Variants in CD47 observed in about 807,000 individuals in gnomAD.
CD47 encodes the protein CD47 molecule.
A neutral mutation model predicts 44.6 loss-of-function variants in CD47; 11 were observed. That is an observed-to-expected ratio of 0.25 (90% CI 0.16 to 0.41). The LOEUF (loss-of-function observed/expected upper bound fraction) is 0.41, where lower values mean the gene tolerates loss of function less well. Ranked by LOEUF, CD47 falls within the 10% of genes least tolerant of loss-of-function variation. The pLI is 1.00. For missense variants in CD47, 306 were observed against 386.7 expected (o/e 0.79, Z 1.75); for synonymous variants, 140 against 136.3 (o/e 1.03, Z -0.19).
At chr3:108,085,111 C>T (rs1560039169) in intron 1 of CD47, among the ~76,000 whole-genome samples, 1 of 152,106 alleles carries the variant, frequency 6.6e-6, no homozygotes, top group African/African-American at 2.4e-5. Context: ...TGTACTCCCT[C>T]ATTTCCACAC....
chr3:108,049,398 T>C (rs1038916494), intron 10 of CD47, among the ~76,000 whole-genome samples: 6 of 152,228 alleles, frequency 3.9e-5, no homozygotes, highest in African/African-American at 1.2e-4. Flanking sequence ...CTGGGAGCCA[T>C]ATGACTGGAG....
intron 1 of CD47, among the ~76,000 whole-genome samples, chr3:108,084,656 A>C (rs35397021): frequency 0.12 from 18,574 of 152,120 alleles, 1,522 homozygotes; most frequent in Middle Eastern, 0.21. Context: ...GTATGTCCAA[A>C]AACTTACGTA....
chr3:108,086,145 T>C (rs2079516938), intron 1 of CD47, among the ~76,000 whole-genome samples: 1 of 151,654 alleles, frequency 6.6e-6, no homozygotes. Context: ...CTCTAGGAAA[T>C]GAGGTTGGAA....
rs899082745 is a variant in CD47, at chr3:108,085,102, G to A, written c.47-4758C>T. ...AAGATCCTTTCCAGCCCCACCTCCTGTACTCCCTCATTTCCACACTAAGCT... is the reference window on the plus strand; with the variant it reads ...AAGATCCTTTCCAGCCCCACCTCCTATACTCCCTCATTTCCACACTAAGCT... On this transcript the variant is annotated intron_variant, in intron 1 of 10. Coordinates refer to ENST00000361309, the MANE Select transcript of CD47 (RefSeq NM_001777.4). Among the ~76,000 whole-genome samples the A allele has an allele frequency of 2.6e-5, 4 of 152,068 alleles. No individual in the cohort carries two copies. The East Asian group carries it at 5.8e-4, about 22-fold the overall frequency.
intron 1 of CD47, among the ~76,000 whole-genome samples, chr3:108,090,278 C>T (rs1209221979): frequency 6.6e-6 from 1 of 152,184 alleles, no homozygotes; most frequent in East Asian, 1.9e-4. Context: ...CCGGAAGATT[C>T]TTCTGATTGA....
intron 2 of CD47, among the ~76,000 whole-genome samples, chr3:108,071,678 C>T (rs1051577889): frequency 3.3e-5 from 5 of 152,208 alleles, no homozygotes; most frequent in Non-Finnish European, 7.3e-5. Context: ...TTAGCACTCA[C>T]TAAGTACTCA....
chr3:108,079,968 A>G, intron 2 of CD47, 23 bp downstream of exon 2: 1 of 1,523,366 alleles, frequency 6.6e-7, no homozygotes, highest in Non-Finnish European at 9.0e-7. Flanking sequence ...AAATAAAAAA[A>G]GAAGCTTTCA....
intron 1 of CD47, among the ~76,000 whole-genome samples, chr3:108,082,034 G>A (rs1482949794): frequency 6.6e-6 from 1 of 151,932 alleles, no homozygotes; most frequent in East Asian, 1.9e-4. Flanking sequence ...TTTCCCCTGA[G>A]AGAGAAACAC....
intron 3 of CD47, among the ~76,000 whole-genome samples, chr3:108,068,856 T>C (rs1479642986): frequency 1.3e-5 from 2 of 152,286 alleles, no homozygotes; most frequent in African/African-American, 4.8e-5. Context: ...TGTATAGACA[T>C]ACCTCTTCCA....
At chr3:108,066,041 T>C (rs1472370930) in intron 3 of CD47, among the ~76,000 whole-genome samples, 1 of 152,178 alleles carries the variant, frequency 6.6e-6, no homozygotes, top group Non-Finnish European at 1.5e-5. Context: ...CCATTACTTA[T>C]TTTAAATATG....
rs114418764 is a variant in CD47, at chr3:108,050,944, T to G, written c.910-342A>C. The G allele has an allele frequency of 3.3e-3, 1,038 of 310,878 alleles. 1 individual carries two copies. Among genetic ancestry groups the G allele is most frequent in the Non-Finnish European group, 5.1e-3 (788 of 155,910 alleles). 19.3% of individuals were successfully genotyped at this position (310,878 alleles called of 1,614,324 possible). On this transcript the variant is annotated intron_variant, in intron 8 of 10. Transcript: ENST00000361309. ...CAGAATAAATAACACAGTGAAGAGG[T>G]GGAAGCAAAACAGAATCATCTTTAA...
At chr3:108,049,088 C>T (rs1055901004) in intron 10 of CD47, among the ~76,000 whole-genome samples, 9 of 141,326 alleles carry the variant, frequency 6.4e-5, no homozygotes, top group South Asian at 2.3e-4. Flanking sequence ...AAGCTGAGGA[C>T]GAAACATCTC....
At chr3:108,088,931 G>T (rs1278957410) in intron 1 of CD47, among the ~76,000 whole-genome samples, 3 of 152,168 alleles carry the variant, frequency 2.0e-5, no homozygotes, top group Non-Finnish European at 4.4e-5. Flanking sequence ...TGCCAGGAAA[G>T]GTCCCTGATT....
chr3:108,069,983 C>T (rs539360105), intron 3 of CD47, among the ~76,000 whole-genome samples: 1 of 152,306 alleles, frequency 6.6e-6, no homozygotes, highest in East Asian at 1.9e-4. Flanking sequence ...ACAGTTGCCA[C>T]TGCCACCCCT....
intron 1 of CD47, 47 bp downstream of exon 1, chr3:108,090,816 G>C (rs1333627181): frequency 1.4e-6 from 2 of 1,454,644 alleles, no homozygotes; most frequent in Non-Finnish European, 1.8e-6. Flanking sequence ...ACGCCCGCGG[G>C]GGCGAAGCGA....
chr3:108,063,076 C>A lies in CD47; in HGVS notation c.491-2224G>T, dbSNP rs76256677. On this transcript the variant is annotated intron_variant, in intron 3 of 10. Transcript: ENST00000361309. ...CAATAGCAACAAAAATAAAACATCA[C>A]AAAATACTACCATAGACAGGGTTCC... 7.3e-3 allele frequency among the ~76,000 whole-genome samples: 1,107 copies of A among 152,270 alleles called. 19 individuals carry two copies. The highest frequency in any genetic ancestry group is 0.025 in the African/African-American group (1,048 of 41,554).
rs2078690165 is a variant in CD47, at chr3:108,044,573, G to C, written c.*2715C>G. ...TAGCTTCTGATGTATGCAAAACACTGCAGGAAGAGAGAATGAAAGAAAGAA... is the reference window on the plus strand; with the variant it reads ...TAGCTTCTGATGTATGCAAAACACTCCAGGAAGAGAGAATGAAAGAAAGAA... On this transcript the variant is annotated 3_prime_UTR_variant, in exon 11 of 11. Coordinates refer to ENST00000361309, the MANE Select transcript of CD47 (RefSeq NM_001777.4). The C allele has an allele frequency of 6.6e-6, 1 of 151,870 alleles. No individual in the cohort carries two copies. The highest frequency in any genetic ancestry group is 1.5e-5 in the Non-Finnish European group (1 of 68,000). 9.4% of individuals were successfully genotyped at this position (151,870 alleles called of 1,614,324 possible).
At position 108,057,579 on chromosome 3, in the gene CD47, CAAAT is replaced by C; in HGVS notation, c.785-14_785-11del. The C allele has an allele frequency of 7.5e-7, 1 of 1,327,580 alleles. No homozygotes were observed. Among genetic ancestry groups the C allele is most frequent in the Non-Finnish European group, 1.1e-6 (1 of 927,890 alleles). 82.2% of individuals were successfully genotyped at this position (1,327,580 alleles called of 1,614,324 possible). ...TGCATTGGTATACACGCTGTAAAAA[CAAAT>C]AAAATTCTGTATTAGAAAAGCATAT... On this transcript the variant is annotated splice_polypyrimidine_tract_variant and intron_variant, in intron 6 of 10. Transcript: ENST00000361309.
chr3:108,087,849 G>A (rs751596887), intron 1 of CD47, among the ~76,000 whole-genome samples: 2 of 152,098 alleles, frequency 1.3e-5, no homozygotes. Flanking sequence ...ATCGTAAAGA[G>A]GAAAAACCCA....
Sources: gnomAD v4.1 joint callset for allele counts (sites outside exome capture counted in the v4.1 genomes callset) on GRCh38, gnomAD v4.1.1 for gene constraint, MANE v1.5 for transcripts, NCBI Gene and HGNC (gene_info 2026-07-23, HGNC 2026-07-21) for gene names.